Variants in TENM3 observed in about 807,000 individuals in gnomAD.
TENM3 encodes teneurin-3.
In TENM3, 63 loss-of-function variants were observed where a neutral mutation model predicts 255.1. The observed-to-expected ratio is 0.25, with a 90% confidence interval of 0.20 to 0.30. The LOEUF is 0.30. Ranked by LOEUF, TENM3 falls within the 10% of genes least tolerant of loss-of-function variation. The pLI, the probability that TENM3 is intolerant of heterozygous loss-of-function variation, is 1.00. For synonymous variants in TENM3, 1,306 were observed against 1,322.3 expected (o/e 0.99, Z 0.27); for missense variants, 2,929 against 3,461.1 (o/e 0.85, Z 3.86).
chr4:182,511,073 G>A (rs1029877065), intron 3 of TENM3, among the ~76,000 whole-genome samples: 1 of 152,164 alleles, frequency 6.6e-6, no homozygotes, highest in Non-Finnish European at 1.5e-5. Context: ...ATTTGGGCCT[G>A]CCAGAGTTGG....
chr4:181,964,518 C>T, the TENM3 span, among the ~76,000 whole-genome samples: 1 of 152,000 alleles, frequency 6.6e-6, no homozygotes, highest in East Asian at 1.9e-4. Flanking sequence ...TTTCTCCCAA[C>T]CCTGCCATCC....
the TENM3 span, among the ~76,000 whole-genome samples, chr4:181,624,536 A>G: frequency 6.6e-6 from 1 of 152,338 alleles, no homozygotes; most frequent in African/African-American, 2.4e-5. Context: ...TTTCTCTGAT[A>G]GGACCAGAAG....
At chr4:182,275,171 TGTC>T (rs1376037679) in intron 1 of TENM3, among the ~76,000 whole-genome samples, 1 of 152,152 alleles carries the variant, frequency 6.6e-6, no homozygotes, top group Non-Finnish European at 1.5e-5. Flanking sequence ...TAGTTTTTAT[TGTC>T]GTCTCGTGTA....
At chr4:181,908,871 A>C in the TENM3 span, among the ~76,000 whole-genome samples, 1 of 152,250 alleles carries the variant, frequency 6.6e-6, no homozygotes, top group African/African-American at 2.4e-5. Context: ...TTAACCTTAA[A>C]GTGGATTGCA....
chr4:182,410,841 C>A (rs1769932310), intron 3 of TENM3, among the ~76,000 whole-genome samples: 2 of 152,086 alleles, frequency 1.3e-5, no homozygotes, highest in African/African-American at 4.8e-5. Context: ...CAAGTGAGAG[C>A]TGGAAAAAAA....
intron 3 of TENM3, among the ~76,000 whole-genome samples, chr4:182,451,970 T>C (rs908676945): frequency 3.7e-4 from 57 of 152,366 alleles, no homozygotes; most frequent in African/African-American, 1.3e-3. Context: ...TTGTTTTAAA[T>C]TTTTATTAAA....
the TENM3 span, among the ~76,000 whole-genome samples, chr4:182,078,138 A>G: frequency 0.3 from 44,919 of 151,970 alleles, 6,886 homozygotes; most frequent in Admixed American, 0.34. Flanking sequence ...AGGTGGGAGG[A>G]TCACTTGAGC....
the TENM3 span, among the ~76,000 whole-genome samples, chr4:181,463,035 G>A: frequency 6.6e-6 from 1 of 152,120 alleles, no homozygotes; most frequent in Non-Finnish European, 1.5e-5. Context: ...GCTCATCTTG[G>A]TATTCAAGAC....
chr4:181,508,283 G>C, the TENM3 span, among the ~76,000 whole-genome samples: 1 of 152,156 alleles, frequency 6.6e-6, no homozygotes, highest in African/African-American at 2.4e-5. Flanking sequence ...TCTGAGCTTT[G>C]ATCTCTTTTC....
intron 11 of TENM3, among the ~76,000 whole-genome samples, chr4:182,685,074 G>A (rs1294579458): frequency 1.3e-5 from 2 of 152,084 alleles, no homozygotes; most frequent in African/African-American, 4.8e-5. Context: ...TTTCCTATCA[G>A]CTAATGTATA....
the TENM3 span, among the ~76,000 whole-genome samples, chr4:181,652,402 G>A: frequency 0.06 from 9,181 of 152,258 alleles, 310 homozygotes; most frequent in Non-Finnish European, 0.077. Context: ...GAAAGTCTGT[G>A]TGTCTCCTTC....
intron 3 of TENM3, among the ~76,000 whole-genome samples, chr4:182,413,084 T>C (rs1770113125): frequency 6.6e-6 from 1 of 151,544 alleles, no homozygotes; most frequent in South Asian, 2.1e-4. Flanking sequence ...AATGAAAAGA[T>C]TGAAAAAATG....
At chr4:181,454,226 C>T in the TENM3 span, among the ~76,000 whole-genome samples, 2 of 152,256 alleles carry the variant, frequency 1.3e-5, no homozygotes, top group Non-Finnish European at 2.9e-5. Context: ...TAACATTCTA[C>T]ATCATGAAAT....
At chr4:182,380,639 G>A (rs377586333) in intron 3 of TENM3, among the ~76,000 whole-genome samples, 1 of 152,148 alleles carries the variant, frequency 6.6e-6, no homozygotes, top group Non-Finnish European at 1.5e-5. Context: ...CAAGCACCTT[G>A]AACTACACAT....
chr4:181,681,596 ATTC>A, the TENM3 span, among the ~76,000 whole-genome samples: 1 of 152,162 alleles, frequency 6.6e-6, no homozygotes. Flanking sequence ...CTAGATCAGA[ATTC>A]TTCTTCACTC....
the TENM3 span, among the ~76,000 whole-genome samples, chr4:181,580,451 G>T: frequency 6.6e-6 from 1 of 152,102 alleles, no homozygotes; most frequent in Non-Finnish European, 1.5e-5. Flanking sequence ...GAGAGAGTGG[G>T]GAGTCTCTGT....
intron 3 of TENM3, among the ~76,000 whole-genome samples, chr4:182,563,200 A>G (rs1253980399): frequency 6.6e-6 from 1 of 152,132 alleles, no homozygotes; most frequent in East Asian, 1.9e-4. Flanking sequence ...GGATCACCTG[A>G]GGTCAGGAGT....
the TENM3 span, among the ~76,000 whole-genome samples, chr4:181,951,777 G>T: frequency 6.6e-6 from 1 of 152,188 alleles, no homozygotes; most frequent in Non-Finnish European, 1.5e-5. Flanking sequence ...ACAGTTACAT[G>T]CAACAGCAAA....
At chr4:182,567,859 A>AC (rs5864791) in intron 3 of TENM3, among the ~76,000 whole-genome samples, 2 of 148,718 alleles carry the variant, frequency 1.3e-5, no homozygotes, top group Non-Finnish European at 3.0e-5. Flanking sequence ...AAAAAAAAAA[A>AC]CAGAAATAGG....
Sources: allele counts gnomAD v4.1 joint callset (sites outside exome capture counted in the v4.1 genomes callset), GRCh38; gene constraint gnomAD v4.1.1; transcripts MANE v1.5; gene names NCBI Gene and HGNC (gene_info 2026-07-23, HGNC 2026-07-21).